Variants in NRG1 observed in about 807,000 individuals in gnomAD.
NRG1 encodes pro-neuregulin-1, membrane-bound isoform.
A neutral mutation model predicts 63.8 loss-of-function variants in NRG1; 18 were observed. The ratio of observed to expected loss-of-function variants is 0.28; its 90% CI spans 0.19 to 0.42. The LOEUF (loss-of-function observed/expected upper bound fraction) is 0.42. Among genes scored for constraint, NRG1 ranks in the 10% least tolerant of loss-of-function variants. The probability of loss-of-function intolerance (pLI) is 1.00; values close to 1 mark genes in which losing one functional copy is unlikely to be tolerated. For synonymous variants in NRG1, 302 were observed against 301.3 expected (o/e 1.00, Z -0.02); for missense variants, 762 against 814.7 (o/e 0.94, Z 0.79).
intron 1 of NRG1, among the ~76,000 whole-genome samples, chr8:31,663,791 T>G (rs886128647): frequency 6.6e-6 from 1 of 152,150 alleles, no homozygotes; most frequent in African/African-American, 2.4e-5. Context: ...GTGGTTAGTT[T>G]TTTTCTCCCA....
chr8:32,690,938 A>AGTGTGTGTGTGT (rs113081002), intron 5 of NRG1, among the ~76,000 whole-genome samples: 74 of 131,176 alleles, frequency 5.6e-4, no homozygotes, highest in Middle Eastern at 3.7e-3. Flanking sequence ...TTTCCCTCTC[A>AGTGTGTGTGTGT]GTGTGTGTGT....
chr8:31,769,657 G>A (rs116030638), intron 1 of NRG1, among the ~76,000 whole-genome samples: 2,245 of 152,254 alleles, frequency 0.015, 59 homozygotes, highest in African/African-American at 0.05. Context: ...GTGCACACAA[G>A]AGTCTCCCAA....
chr8:32,735,029 G>A (rs547556160), intron 6 of NRG1, among the ~76,000 whole-genome samples: 162 of 152,220 alleles, frequency 1.1e-3, no homozygotes, highest in African/African-American at 3.8e-3. Flanking sequence ...GTGCTATGAA[G>A]GATATTAATT....
At chr8:31,897,879 G>C (rs1324284448) in intron 1 of NRG1, among the ~76,000 whole-genome samples, 1 of 147,896 alleles carries the variant, frequency 6.8e-6, no homozygotes, top group Non-Finnish European at 1.5e-5. Context: ...AATGAGCTAG[G>C]CGTGGTGGTG....
At chr8:32,707,093 T>C (rs944432861) in intron 5 of NRG1, among the ~76,000 whole-genome samples, 2 of 152,088 alleles carry the variant, frequency 1.3e-5, no homozygotes, top group Non-Finnish European at 2.9e-5. Flanking sequence ...AAGAAAAATG[T>C]ATTTTGTGCT....
intron 5 of NRG1, among the ~76,000 whole-genome samples, chr8:32,629,855 C>G (rs1191959445): frequency 6.6e-6 from 1 of 152,096 alleles, no homozygotes; most frequent in East Asian, 1.9e-4. Flanking sequence ...TGCTTGGGAA[C>G]AAGAGAAGTG....
At chr8:32,133,747 T>C (rs1226993538) in intron 1 of NRG1, among the ~76,000 whole-genome samples, 1 of 152,138 alleles carries the variant, frequency 6.6e-6, no homozygotes, top group Non-Finnish European at 1.5e-5. Context: ...GCTAATATGT[T>C]TTTCTGATTA....
chr8:32,663,826 C>T (rs1263187617), intron 5 of NRG1, among the ~76,000 whole-genome samples: 4 of 152,120 alleles, frequency 2.6e-5, no homozygotes, highest in Non-Finnish European at 5.9e-5. Context: ...TCAGCCCGTG[C>T]CTGCAGTCTC....
At chr8:31,802,579 T>C (rs776555169) in intron 1 of NRG1, among the ~76,000 whole-genome samples, 35 of 152,166 alleles carry the variant, frequency 2.3e-4, no homozygotes, top group Non-Finnish European at 2.8e-4. Context: ...ATTTGTTTCT[T>C]CTGAAAAAGT....
intron 1 of NRG1, among the ~76,000 whole-genome samples, chr8:31,792,802 T>C: frequency 6.6e-6 from 1 of 152,188 alleles, no homozygotes; most frequent in East Asian, 1.9e-4. Flanking sequence ...AGTGAGGCTG[T>C]TAAAACTTCC....
At chr8:31,702,785 C>A (rs1049279198) in intron 1 of NRG1, among the ~76,000 whole-genome samples, 13 of 152,076 alleles carry the variant, frequency 8.5e-5, no homozygotes, top group Admixed American at 8.5e-4. Context: ...ATCTTATTGT[C>A]ACACCCCATG....
At chr8:31,959,614 A>G (rs912607829) in intron 1 of NRG1, among the ~76,000 whole-genome samples, 9 of 152,256 alleles carry the variant, frequency 5.9e-5, no homozygotes, top group African/African-American at 2.2e-4. Context: ...TCTAGCTCAT[A>G]GTTAATCTAT....
At chr8:31,648,305 T>C (rs902021192) in intron 1 of NRG1, among the ~76,000 whole-genome samples, 5 of 151,828 alleles carry the variant, frequency 3.3e-5, no homozygotes, top group African/African-American at 1.2e-4. Flanking sequence ...GGCTAATTTT[T>C]GTATTTTTAG....
At chr8:32,622,119 T>C (rs927660459) in intron 5 of NRG1, among the ~76,000 whole-genome samples, 16 of 152,208 alleles carry the variant, frequency 1.1e-4, no homozygotes, top group African/African-American at 3.6e-4. Context: ...ATACTAATGC[T>C]GAGGACAATC....
At chr8:32,352,975 GAC>G (rs1805833244) in intron 1 of NRG1, among the ~76,000 whole-genome samples, 3 of 149,620 alleles carry the variant, frequency 2.0e-5, no homozygotes, top group African/African-American at 7.3e-5. Context: ...GAGAGAGAGA[GAC>G]AGAGAGAGAG....
chr8:32,166,337 G>A (rs1196409074), intron 1 of NRG1, among the ~76,000 whole-genome samples: 1 of 152,130 alleles, frequency 6.6e-6, no homozygotes, highest in Non-Finnish European at 1.5e-5. Flanking sequence ...AGTGGCCATA[G>A]TGATATTTAC....
intron 1 of NRG1, among the ~76,000 whole-genome samples, chr8:32,461,974 A>C (rs548776374): frequency 1.3e-4 from 20 of 152,280 alleles, no homozygotes; most frequent in African/African-American, 4.6e-4. Flanking sequence ...CCAAAAATCT[A>C]GTAGAGGAAG....
chr8:32,142,059 A>G (rs1188889560), intron 1 of NRG1, among the ~76,000 whole-genome samples: 1 of 152,064 alleles, frequency 6.6e-6, no homozygotes, highest in Admixed American at 6.5e-5. Flanking sequence ...ATTAGTGTCT[A>G]TTTGCACTGC....
chr8:32,472,554 T>G (rs2129490812), intron 1 of NRG1, among the ~76,000 whole-genome samples: 1 of 152,316 alleles, frequency 6.6e-6, no homozygotes, highest in African/African-American at 2.4e-5. Context: ...AATGTGCAGT[T>G]TTTGTCACAG....
Sources: allele counts gnomAD v4.1 joint callset (sites outside exome capture counted in the v4.1 genomes callset), GRCh38; gene constraint gnomAD v4.1.1; transcripts MANE v1.5; gene names NCBI Gene and HGNC (gene_info 2026-07-23, HGNC 2026-07-21).